ARHGEF10L: variants seen among roughly 807,000 people sequenced by gnomAD.
ARHGEF10L encodes the protein rho guanine nucleotide exchange factor 10-like protein.
ARHGEF10L carries 69 observed loss-of-function variants against 141.2 expected under a neutral mutation model. The observed-to-expected ratio is 0.49, with a 90% CI of 0.40 to 0.60. ARHGEF10L has a LOEUF of 0.60. Among genes scored for constraint, ARHGEF10L ranks in the 20% least tolerant of loss-of-function variants. The pLI, the probability that ARHGEF10L is intolerant of heterozygous loss-of-function variation, is 0.00. For synonymous variants in ARHGEF10L, 711 were observed against 718.5 expected (o/e 0.99, Z 0.17); for missense variants, 1,482 against 1,734.3 (o/e 0.85, Z 2.58).
chr1:17,666,551 C>A (rs1331010446), intron 26 of ARHGEF10L, among the ~76,000 whole-genome samples: 1 of 152,146 alleles, frequency 6.6e-6, no homozygotes, highest in African/African-American at 2.4e-5. Flanking sequence ...GACCTTTAAC[C>A]TCACTGGTGC....
At chr1:17,597,302 C>G (rs1025145952) in intron 4 of ARHGEF10L, among the ~76,000 whole-genome samples, 8 of 152,062 alleles carry the variant, frequency 5.3e-5, no homozygotes, top group African/African-American at 1.9e-4. Context: ...GACCCGGAGG[C>G]CCCTGAAGGA....
At chr1:17,687,916 G>A (rs1376881990) in intron 27 of ARHGEF10L, among the ~76,000 whole-genome samples, 169 bp downstream of exon 27, 2 of 152,186 alleles carry the variant, frequency 1.3e-5, no homozygotes, top group South Asian at 4.1e-4. Context: ...TCACACCTAG[G>A]ACTGTCATCT....
chr1:17,524,487 G>T, the ARHGEF10L span, among the ~76,000 whole-genome samples: 1 of 151,626 alleles, frequency 6.6e-6, no homozygotes, highest in African/African-American at 2.4e-5. Flanking sequence ...TAGGAGGATC[G>T]CTTGAGCCCA....
intron 1 of ARHGEF10L, among the ~76,000 whole-genome samples, chr1:17,560,016 C>T (rs986430896): frequency 6.6e-6 from 1 of 152,136 alleles, no homozygotes; most frequent in Non-Finnish European, 1.5e-5. Context: ...AAATATTAAC[C>T]CACACGCATA....
Position 17,640,296 on chromosome 1 carries a change from G to A in ARHGEF10L, c.2266G>A (p.Gly756Arg), listed in dbSNP as rs576476326. 10 of 1,611,292 alleles carry A rather than the reference G, an allele frequency of 6.2e-6. No homozygotes were observed. Among genetic ancestry groups the A allele is most frequent in the East Asian group, 2.2e-5 (1 of 44,876 alleles). ...CAACAGGTTACATTTGGCCAAAATCGGACTCCGTGAGTATAGCCCCAGGGA... is the reference window on the plus strand; with the variant it reads ...CAACAGGTTACATTTGGCCAAAATCAGACTCCGTGAGTATAGCCCCAGGGA... ...WVNRLHLAKI[G>R]LREENQPGWL... The change falls in exon 21 of 29, where the codon GGA (glycine) becomes AGA (arginine). Residue 756 changes from glycine (G) to arginine (R), a missense_variant. Gly to Arg is a moderately radical substitution (Grantham distance 125). Coordinates refer to ENST00000361221, the MANE Select transcript of ARHGEF10L (RefSeq NM_018125.4).
chr1:17,519,822 G>A, the ARHGEF10L span, among the ~76,000 whole-genome samples: 9 of 151,640 alleles, frequency 5.9e-5, no homozygotes, highest in Admixed American at 1.3e-4. Flanking sequence ...CAGCCTGGGC[G>A]ATGACCAGAG....
chr1:17,635,116 C>T lies in ARHGEF10L; in HGVS notation c.1927+100C>T, dbSNP rs2060923924. The T allele has an allele frequency of 2.1e-6, 3 of 1,419,726 alleles. No individual in the cohort carries two copies. In the East Asian group the frequency reaches 7.3e-5, roughly 34 times the overall value. The allele number at this position is 1,419,726 out of a possible 1,614,324, so 87.9% of individuals were successfully genotyped here. ...AGGCTTGGCCCTGTCTTGGGGACCC[C>T]TACATAGGCTGATGGGTGGCTTGGC... is the stretch of plus-strand genomic sequence containing the variant. On this transcript the variant is annotated intron_variant, in intron 18 of 28. Transcript: ENST00000361221.
At position 17,603,494 on chromosome 1, in the gene ARHGEF10L, C is replaced by G. The variant is rs750980255; in HGVS notation, c.350-14C>G. The G allele has an allele frequency of 2.5e-6, 4 of 1,610,952 alleles. No individual in the cohort carries two copies. In the African/African-American group the frequency reaches 5.3e-5, roughly 22 times the overall value. ...AGCCCACGGTGGTGCTCTCTCTCCC[C>G]ACTTCCCTCCCAGTTGACCGGTTCA... On this transcript the variant is annotated splice_polypyrimidine_tract_variant and intron_variant, in intron 5 of 28. Transcript: ENST00000361221. This position sits in a 1 kb window ranked among gnomAD's most constrained non-coding sequence, Gnocchi z 4.8.
chr1:17,624,601 T>C, intron 13 of ARHGEF10L, 98 bp downstream of exon 13: 1 of 965,406 alleles, frequency 1.0e-6, no homozygotes, highest in Non-Finnish European at 1.7e-6. Context: ...TATGACATCA[T>C]AGCTTTGGCC....
intron 16 of ARHGEF10L, among the ~76,000 whole-genome samples, chr1:17,633,405 A>G (rs916517496): frequency 6.6e-5 from 10 of 152,108 alleles, no homozygotes; most frequent in Non-Finnish European, 1.0e-4. Context: ...GTGCAATGGC[A>G]TGATCTCGGT....
At chr1:17,592,229 C>T (rs1360279040) in intron 4 of ARHGEF10L, among the ~76,000 whole-genome samples, 2 of 152,182 alleles carry the variant, frequency 1.3e-5, no homozygotes, top group Non-Finnish European at 2.9e-5. Context: ...GCAATAGCCC[C>T]ATGGACTCTG....
At chr1:17,588,326 C>A in intron 3 of ARHGEF10L, 120 bp from the exon 4 acceptor site, 1 of 1,104,658 alleles carries the variant, frequency 9.1e-7, no homozygotes, top group Non-Finnish European at 1.3e-6. Flanking sequence ...AGCAGGCACC[C>A]AGACTGGCCA....
chr1:17,642,386 G>C (rs1405080089), intron 21 of ARHGEF10L, among the ~76,000 whole-genome samples: 1 of 152,234 alleles, frequency 6.6e-6, no homozygotes, highest in Non-Finnish European at 1.5e-5. Context: ...GAGGTAGGTG[G>C]GTGTGTTGCG....
In ARHGEF10L at chr1:17,674,358, G is replaced by A. The variant is rs530152156; in HGVS notation, c.3009+9763G>A. Among the ~76,000 whole-genome samples the A allele has an allele frequency of 3.7e-4, 57 of 152,308 alleles. No individual in the cohort carries two copies. In the South Asian group the frequency reaches 0.011, roughly 29 times the overall value. ...CTCCCAGGTACCTGGGGAGAGAAGC[G>A]AGCTTCATAGAGTGGGTGGTGACAC... On this transcript the variant is annotated intron_variant, in intron 26 of 28. Coordinates refer to ENST00000361221, the MANE Select transcript of ARHGEF10L (RefSeq NM_018125.4).
At position 17,673,822 on chromosome 1, in the gene ARHGEF10L, C is replaced by T. The variant is rs1571447015; in HGVS notation, c.3009+9227C>T. Among the ~76,000 whole-genome samples, 2 of 152,160 alleles carry T rather than the reference C, an allele frequency of 1.3e-5. No individual in the cohort carries two copies. The highest frequency in any genetic ancestry group is 1.3e-4 in the Admixed American group (2 of 15,286). ...AACCTGCCCCAGGACTAAGCAGCTC[C>T]GTGTACATGCAGGTCCCAGGGCTGT... On this transcript the variant is annotated intron_variant, in intron 26 of 28. Coordinates refer to ENST00000361221, the MANE Select transcript of ARHGEF10L (RefSeq NM_018125.4). This position sits in a 1 kb window ranked among gnomAD's most constrained non-coding sequence, Gnocchi z 4.1.
At chr1:17,566,634 A>T (rs1319038059) in intron 1 of ARHGEF10L, among the ~76,000 whole-genome samples, 2 of 152,134 alleles carry the variant, frequency 1.3e-5, no homozygotes, top group African/African-American at 4.8e-5. Context: ...TTCTGTGTGG[A>T]TGCAGTGTTG....
chr1:17,668,984 G>T (rs369317657), intron 26 of ARHGEF10L, among the ~76,000 whole-genome samples: 2 of 152,172 alleles, frequency 1.3e-5, no homozygotes, highest in Non-Finnish European at 2.9e-5. Context: ...TGGGGGAGCC[G>T]CCTGGAGCCG....
rs2060462270 is a variant in ARHGEF10L, at chr1:17,627,653, T to C, written c.1584+150T>C. Reference sequence around the variant, plus strand: ...CTTCCAAGGATGTGACCTTGGGGATTGGATCCTCAGCGGGACCCCCACGTT... The same window carrying C: ...CTTCCAAGGATGTGACCTTGGGGATCGGATCCTCAGCGGGACCCCCACGTT... On this transcript the variant is annotated intron_variant, in intron 15 of 28. Coordinates refer to ENST00000361221, the MANE Select transcript of ARHGEF10L (RefSeq NM_018125.4). This position sits in a 1 kb window ranked among gnomAD's most constrained non-coding sequence, Gnocchi z 4.0. 1.0e-5 allele frequency: 10 copies of C among 967,142 alleles called. No individual in the cohort carries two copies. Among genetic ancestry groups the C allele is most frequent in the Non-Finnish European group, 1.5e-5 (10 of 668,530 alleles). The allele number at this position is 967,142 out of a possible 1,614,324, so 59.9% of individuals were successfully genotyped here.
At chr1:17,613,725 C>A (rs1172944917) in intron 8 of ARHGEF10L, among the ~76,000 whole-genome samples, 2 of 152,238 alleles carry the variant, frequency 1.3e-5, no homozygotes, top group Non-Finnish European at 2.9e-5. Context: ...ATGATATCGA[C>A]AACAGTAGCT....
Sources: gnomAD v4.1 joint callset for allele counts (sites outside exome capture counted in the v4.1 genomes callset) on GRCh38, gnomAD v4.1.1 for gene constraint, Gnocchi (gnomAD v3.1) non-coding constraint, MANE v1.5 for transcripts, NCBI Gene and HGNC (gene_info 2026-07-23, HGNC 2026-07-21) for gene names.